SCFD2: variants seen among roughly 807,000 people sequenced by gnomAD.
SCFD2 encodes the protein sec1 family domain-containing protein 2.
In SCFD2, 54 loss-of-function variants were observed where a neutral mutation model predicts 58.9. The observed-to-expected ratio is 0.92, with a 90% CI of 0.74 to 1.15. SCFD2 has a LOEUF of 1.15. Ranked by LOEUF, SCFD2 falls within the 50% of genes most tolerant of loss-of-function variation. The pLI is 0.00. For synonymous variants in SCFD2, 321 were observed against 335.9 expected (o/e 0.96, Z 0.49); for missense variants, 805 against 836.6 (o/e 0.96, Z 0.47).
At chr4:52,942,032 T>C (rs1720306039) in intron 5 of SCFD2, among the ~76,000 whole-genome samples, 1 of 152,162 alleles carries the variant, frequency 6.6e-6, no homozygotes, top group African/African-American at 2.4e-5. Flanking sequence ...CTGTTTATAC[T>C]AATTAAAGAG....
chr4:53,314,544 T>C (rs1732798930), intron 2 of SCFD2, among the ~76,000 whole-genome samples: 1 of 152,200 alleles, frequency 6.6e-6, no homozygotes. Flanking sequence ...TTTTAAAAAC[T>C]GAATACAAAG....
At chr4:52,944,003 T>C (rs1402524641) in intron 5 of SCFD2, among the ~76,000 whole-genome samples, 1 of 152,118 alleles carries the variant, frequency 6.6e-6, no homozygotes, top group Non-Finnish European at 1.5e-5. Context: ...ATGTTAAAAG[T>C]ACAAACAATT....
intron 8 of SCFD2, among the ~76,000 whole-genome samples, chr4:52,881,237 T>C (rs1376781544): frequency 6.6e-6 from 1 of 152,220 alleles, no homozygotes; most frequent in African/African-American, 2.4e-5. Context: ...TGAAAGACAG[T>C]TCATTTCTGG....
chr4:53,278,951 G>T (rs1731426185), intron 3 of SCFD2, among the ~76,000 whole-genome samples: 1 of 144,806 alleles, frequency 6.9e-6, no homozygotes, highest in Admixed American at 6.9e-5. Flanking sequence ...CTTACCAAAA[G>T]CAAATGGAAA....
chr4:53,145,639 G>A (rs1726307317), intron 4 of SCFD2, 57 bp from the exon 5 acceptor site: 1 of 1,466,426 alleles, frequency 6.8e-7, no homozygotes, highest in Non-Finnish European at 9.4e-7. Flanking sequence ...ATAATTTATG[G>A]ATTACATTAG....
chr4:52,995,797 G>A (rs546143195), intron 5 of SCFD2, among the ~76,000 whole-genome samples: 58 of 152,290 alleles, frequency 3.8e-4, no homozygotes, highest in Admixed American at 3.5e-3. Context: ...GTGGGTCATC[G>A]TGGTATTCCA....
At chr4:53,215,521 C>T (rs1167302428) in intron 4 of SCFD2, among the ~76,000 whole-genome samples, 1 of 152,242 alleles carries the variant, frequency 6.6e-6, no homozygotes, top group East Asian at 1.9e-4. Flanking sequence ...GCTGAAGTTG[C>T]TTATCAGCTG....
chr4:53,317,408 G>A (rs934142865), intron 2 of SCFD2, among the ~76,000 whole-genome samples: 1 of 152,170 alleles, frequency 6.6e-6, no homozygotes, highest in Non-Finnish European at 1.5e-5. Context: ...TCTGAGTTGA[G>A]CATGGTAGTT....
intron 5 of SCFD2, among the ~76,000 whole-genome samples, chr4:53,021,599 G>A (rs1356188362): frequency 1.3e-5 from 2 of 152,084 alleles, no homozygotes; most frequent in African/African-American, 4.8e-5. Flanking sequence ...TATGCATTAA[G>A]TTCTCCAGGG....
At chr4:53,218,038 G>A (rs1166976110) in intron 4 of SCFD2, among the ~76,000 whole-genome samples, 4 of 152,136 alleles carry the variant, frequency 2.6e-5, no homozygotes, top group Admixed American at 2.6e-4. Context: ...GCTTCCCTTT[G>A]TGGGTAACCC....
At chr4:53,264,900 A>G (rs1337021040) in intron 4 of SCFD2, among the ~76,000 whole-genome samples, 2 of 152,210 alleles carry the variant, frequency 1.3e-5, no homozygotes, top group African/African-American at 4.8e-5. Flanking sequence ...TTAAAACTAA[A>G]GCTATATTTT....
chr4:53,201,687 T>C (rs191051965), intron 4 of SCFD2, among the ~76,000 whole-genome samples: 164 of 152,304 alleles, frequency 1.1e-3, no homozygotes, highest in African/African-American at 3.8e-3. Context: ...CCAGCACCTG[T>C]TGTTTCCTGA....
intron 4 of SCFD2, among the ~76,000 whole-genome samples, chr4:53,207,216 G>C (rs1370387893): frequency 1.3e-5 from 2 of 150,474 alleles, no homozygotes; most frequent in Non-Finnish European, 2.9e-5. Context: ...TCCCAACAAT[G>C]ATGCATTACG....
In SCFD2 at chr4:52,907,508, C is replaced by G. The variant is rs147062428; in HGVS notation, c.1791G>C (p.Met597Ile). The G allele has an allele frequency of 1.4e-5, 23 of 1,614,010 alleles. No individual in the cohort carries two copies. In the African/African-American group the frequency reaches 2.4e-4, roughly 17 times the overall value. ...ERPDSVDIEH[M>I]SSGLTDLLKT... ...TAAGGAGATCAGTGAGGCCTGAAGA[C>G]ATGTGTTCAATATCAACGGAATCTG... The change falls in exon 7 of 9, where the codon ATG (methionine) becomes ATC (isoleucine). Residue 597 changes from methionine (M) to isoleucine (I), a missense_variant. Physicochemically the swap from Met to Ile is conservative, Grantham distance 10. This residue lies in a region of SCFD2 where 633 missense variants were observed against 646.8 expected (regional missense o/e 0.98). Transcript: ENST00000401642.
chr4:53,143,441 CAT>C (rs1726226853), intron 5 of SCFD2, among the ~76,000 whole-genome samples: 1 of 152,152 alleles, frequency 6.6e-6, no homozygotes, highest in Non-Finnish European at 1.5e-5. Context: ...CATGCAATCA[CAT>C]ATAGTGTTAT....
chr4:52,996,996 T>C (rs1419054949), intron 5 of SCFD2, among the ~76,000 whole-genome samples: 1 of 152,180 alleles, frequency 6.6e-6, no homozygotes, highest in African/African-American at 2.4e-5. Context: ...CAAAATAGAA[T>C]ACTCAGAACA....
chr4:53,200,984 C>T (rs943738816), intron 4 of SCFD2, among the ~76,000 whole-genome samples: 9 of 148,250 alleles, frequency 6.1e-5, no homozygotes, highest in African/African-American at 2.2e-4. Flanking sequence ...ATTTATAATA[C>T]AAATATTAAT....
chr4:53,316,055 T>A (rs1197403705), intron 2 of SCFD2, among the ~76,000 whole-genome samples: 1 of 152,198 alleles, frequency 6.6e-6, no homozygotes, highest in East Asian at 1.9e-4. Flanking sequence ...CCTCCAGGTA[T>A]CTGCTAAAAC....
intron 5 of SCFD2, among the ~76,000 whole-genome samples, chr4:53,101,266 C>T (rs544897902): frequency 2.6e-5 from 4 of 152,272 alleles, no homozygotes; most frequent in South Asian, 4.1e-4. Flanking sequence ...TGCTGACATA[C>T]TGCTAAGGAG....
Sources: allele counts gnomAD v4.1 joint callset (sites outside exome capture counted in the v4.1 genomes callset), GRCh38; gene constraint gnomAD v4.1.1; regional missense constraint gnomAD v4.1.1; transcripts MANE v1.5; gene names NCBI Gene and HGNC (gene_info 2026-07-23, HGNC 2026-07-21).